COL23A1: variants seen among roughly 807,000 people sequenced by gnomAD.
COL23A1 encodes the protein collagen alpha-1(XXIII) chain.
A neutral mutation model predicts 99.3 loss-of-function variants in COL23A1; 97 were observed. The observed-to-expected ratio is 0.98, with a 90% CI of 0.83 to 1.16. The LOEUF (loss-of-function observed/expected upper bound fraction) is 1.16. COL23A1 is among the 50% of genes most tolerant of loss of function. The pLI is 0.00. For synonymous variants in COL23A1, 320 were observed against 308.2 expected (o/e 1.04, Z -0.40); for missense variants, 762 against 757.4 (o/e 1.01, Z -0.07).
chr5:178,462,883 TG>T (rs1467177335), intron 2 of COL23A1, among the ~76,000 whole-genome samples: 1 of 152,206 alleles, frequency 6.6e-6, no homozygotes, highest in Non-Finnish European at 1.5e-5. Context: ...GTGTGAAACT[TG>T]GTGAAAATTT....
chr5:178,296,491 T>C (rs1390326611), intron 3 of COL23A1, among the ~76,000 whole-genome samples: 1 of 152,108 alleles, frequency 6.6e-6, no homozygotes, highest in Non-Finnish European at 1.5e-5. Flanking sequence ...CCCCCGCGGA[T>C]CCCACGCAGG....
chr5:178,362,465 C>CT (rs113085001), intron 2 of COL23A1, among the ~76,000 whole-genome samples: 15,695 of 151,966 alleles, frequency 0.1, 842 homozygotes, highest in South Asian at 0.16. Flanking sequence ...GCCACTCTCT[C>CT]TTTTTTTTGC....
At chr5:178,539,545 C>CAAA (rs58424731) in intron 2 of COL23A1, among the ~76,000 whole-genome samples, 44 of 78,312 alleles carry the variant, frequency 5.6e-4, no homozygotes, top group South Asian at 1.5e-3. Flanking sequence ...GACTCTGTCT[C>CAAA]AAAAAAAAAA....
intron 2 of COL23A1, among the ~76,000 whole-genome samples, chr5:178,486,254 A>G (rs1383747228): frequency 6.6e-6 from 1 of 152,204 alleles, no homozygotes; most frequent in Non-Finnish European, 1.5e-5. Context: ...CAGAATGAGG[A>G]CGGTTGTCAG....
chr5:178,249,990 C>G, intron 18 of COL23A1, 71 bp downstream of exon 18: 1 of 1,473,068 alleles, frequency 6.8e-7, no homozygotes, highest in Non-Finnish European at 9.4e-7. Context: ...CACACGCACA[C>G]ACACACACAC....
chr5:178,472,191 G>A (rs2546640), intron 2 of COL23A1, among the ~76,000 whole-genome samples: 7,612 of 152,268 alleles, frequency 0.05, 569 homozygotes, highest in African/African-American at 0.16. Context: ...GACTGCAGGC[G>A]CTGAAGAGAG....
At position 178,304,967 on chromosome 5, in the gene COL23A1, A is replaced by G. The variant is rs550272400; in HGVS notation, c.406+1908T>C. Reference sequence around the variant, plus strand: ...TTTGAGGTTGTTTTAAACTTGAGTCATAAGTTAAATGGATTTTGGAGTAAG... The same window carrying G: ...TTTGAGGTTGTTTTAAACTTGAGTCGTAAGTTAAATGGATTTTGGAGTAAG... On this transcript the variant is annotated intron_variant, in intron 3 of 28. Coordinates refer to ENST00000390654, the MANE Select transcript of COL23A1 (RefSeq NM_173465.4). 8.5e-5 allele frequency among the ~76,000 whole-genome samples: 13 copies of G among 152,340 alleles called. No homozygotes were observed. The South Asian group carries it at 2.5e-3, about 29-fold the overall frequency.
intron 1 of COL23A1, chr5:178,561,812 G>A (rs1232095907): frequency 8.9e-6 from 2 of 223,948 alleles, no homozygotes; most frequent in Non-Finnish European, 1.8e-5. Context: ...CACTGCTTTA[G>A]AGGAGGAGAG....
At chr5:178,560,589 C>A in intron 2 of COL23A1, 93 bp downstream of exon 2, 1 of 1,145,958 alleles carries the variant, frequency 8.7e-7, no homozygotes, top group Non-Finnish European at 1.3e-6. Flanking sequence ...AGCCTGACAC[C>A]CCAGTCCACC....
chr5:178,456,639 G>A (rs546949759), intron 2 of COL23A1, among the ~76,000 whole-genome samples: 15 of 152,044 alleles, frequency 9.9e-5, no homozygotes, highest in Admixed American at 3.9e-4. Flanking sequence ...TGGAGGTTGC[G>A]GTGAGCCGAG....
At chr5:178,425,646 A>G (rs1765887709) in intron 2 of COL23A1, among the ~76,000 whole-genome samples, 1 of 152,100 alleles carries the variant, frequency 6.6e-6, no homozygotes, top group Non-Finnish European at 1.5e-5. Context: ...GTGGTACTCA[A>G]TGAATGCAGA....
intron 2 of COL23A1, among the ~76,000 whole-genome samples, chr5:178,504,403 G>A (rs1161653983): frequency 6.6e-6 from 1 of 152,208 alleles, no homozygotes; most frequent in African/African-American, 2.4e-5. Flanking sequence ...GGCTGCCCAT[G>A]GTGGGGCGGA....
intron 2 of COL23A1, among the ~76,000 whole-genome samples, chr5:178,514,349 G>A (rs145621970): frequency 2.3e-4 from 35 of 152,184 alleles, no homozygotes; most frequent in African/African-American, 8.2e-4. Flanking sequence ...ACGTCTTGGC[G>A]ACTGTGATTA....
chr5:178,443,899 T>C (rs904706516), intron 2 of COL23A1, among the ~76,000 whole-genome samples: 2 of 152,188 alleles, frequency 1.3e-5, no homozygotes, highest in Non-Finnish European at 2.9e-5. Context: ...AAATATATTA[T>C]GTTAAGATAT....
rs188577286 is a variant in COL23A1 at position 178,463,793 on chromosome 5, T to A, written c.361+96889A>T. On this transcript the variant is annotated intron_variant, in intron 2 of 28. Transcript: ENST00000390654. The stretch of plus-strand genomic sequence containing the variant: ...TTATAAACAAGGAAGAGCTCAAACA[T>A]CTGGTCCTCCCTTTGTGGCTGCGGA... Among the ~76,000 whole-genome samples the A allele has an allele frequency of 9.4e-4, 143 of 152,280 alleles. 1 individual carries two copies. The East Asian group carries it at 0.022, about 23-fold the overall frequency.
intron 2 of COL23A1, among the ~76,000 whole-genome samples, chr5:178,447,665 T>C (rs1165436816): frequency 6.6e-6 from 1 of 152,172 alleles, no homozygotes; most frequent in Admixed American, 6.5e-5. Flanking sequence ...GTCCACACAA[T>C]GACAAAATTG....
At position 178,262,101 on chromosome 5, in the gene COL23A1, C is replaced by T. The variant is rs58831777; in HGVS notation, c.675+116G>A. The T allele has an allele frequency of 0.022, 24,557 of 1,124,768 alleles. 3,823 individuals are homozygous for T. In the African/African-American group the frequency reaches 0.36, roughly 16 times the overall value. The allele number at this position is 1,124,768 out of a possible 1,614,324, so 69.7% of individuals were successfully genotyped here. ...AGACACGTACATGCAGAGGCGCGCG[C>T]ACACACATAAACATGTGCGCGTGAC... On this transcript the variant is annotated intron_variant, in intron 10 of 28. Transcript: ENST00000390654.
Position 178,347,878 on chromosome 5 carries a change from TCAAAAAAAAAAAAAAAAAAC to T in COL23A1, c.362-40979_362-40960del, listed in dbSNP as rs1561883994. On this transcript the variant is annotated intron_variant, in intron 2 of 28. Transcript: ENST00000390654. ...CCTGGTGACAGAGCAAGACTCTGTC[TCAAAAAAAAAAAAAAAAAAC>T]CCAAAAAAACAAAACAAAAAAAAAA... Among the ~76,000 whole-genome samples the T allele has an allele frequency of 1.5e-4, 6 of 39,446 alleles. No individual in the cohort carries two copies. The East Asian group carries it at 5.9e-3, about 39-fold the overall frequency. The allele number at this position is 39,446 out of a possible 152,430, so 25.9% of individuals were successfully genotyped here. A position where few individuals can be genotyped will look rare whatever the true frequency, so the allele number is the denominator to read the frequency against.
chr5:178,583,068 A>G (rs542723016), intron 1 of COL23A1, among the ~76,000 whole-genome samples: 5 of 152,324 alleles, frequency 3.3e-5, no homozygotes, highest in African/African-American at 1.2e-4. Flanking sequence ...AATGTCAGTA[A>G]CCTCTGTCTG....
Sources: allele counts gnomAD v4.1 joint callset (sites outside exome capture counted in the v4.1 genomes callset), GRCh38; gene constraint gnomAD v4.1.1; transcripts MANE v1.5; gene names NCBI Gene and HGNC (gene_info 2026-07-23, HGNC 2026-07-21).